Variants in NPNT observed in about 807,000 individuals in gnomAD.
NPNT encodes the protein nephronectin.
Under a neutral mutation model 68.6 loss-of-function variants are expected in NPNT, and 45 were observed. That is an observed-to-expected ratio of 0.66 (90% CI 0.52 to 0.84). The LOEUF (loss-of-function observed/expected upper bound fraction) is 0.84, where lower values mean the gene tolerates loss of function less well. NPNT is among the 40% of genes least tolerant of loss of function. NPNT has a pLI of 0.00. For synonymous variants in NPNT, 233 were observed against 253.3 expected (o/e 0.92, Z 0.76); for missense variants, 672 against 714.8 (o/e 0.94, Z 0.68).
In NPNT at chr4:105,937,153, T is replaced by C. The variant is rs762659616; in HGVS notation, c.385+25T>C. 6 of 1,611,248 alleles carry C rather than the reference T, an allele frequency of 3.7e-6. No individual in the cohort carries two copies. In the East Asian group the frequency reaches 1.1e-4, roughly 30 times the overall value. On this transcript the variant is annotated intron_variant, in intron 4 of 11. Transcript: ENST00000379987. ...AGTATGTCAAGAATCTTAACTGTTT[T>C]ATAAGTGCTTTGGGCTTGTTTCTGT...
At chr4:105,898,375 T>G (rs1726119717) in intron 2 of NPNT, among the ~76,000 whole-genome samples, 2 of 125,148 alleles carry the variant, frequency 1.6e-5, no homozygotes, top group Non-Finnish European at 3.3e-5. Context: ...TCTCTCTCTC[T>G]CTCTCGCTGA....
At chr4:105,903,020 C>G (rs1221946579) in intron 2 of NPNT, among the ~76,000 whole-genome samples, 1 of 152,126 alleles carries the variant, frequency 6.6e-6, no homozygotes, top group Admixed American at 6.6e-5. Flanking sequence ...GGGAAGCACT[C>G]TCCTCTCTGC....
At chr4:105,944,818 T>C (rs949876849) in intron 8 of NPNT, among the ~76,000 whole-genome samples, 7 of 152,266 alleles carry the variant, frequency 4.6e-5, no homozygotes, top group African/African-American at 1.4e-4. Context: ...TAGATGCTTT[T>C]TGACTTGCTG....
At chr4:105,917,689 G>C (rs1055138432) in intron 2 of NPNT, among the ~76,000 whole-genome samples, 1 of 152,158 alleles carries the variant, frequency 6.6e-6, no homozygotes, top group African/African-American at 2.4e-5. Flanking sequence ...GTGATATAAT[G>C]GTCAAACTGA....
At chr4:105,957,763 AG>A (rs1326525109) in intron 8 of NPNT, among the ~76,000 whole-genome samples, 1 of 152,228 alleles carries the variant, frequency 6.6e-6, no homozygotes, top group Non-Finnish European at 1.5e-5. Context: ...ATCACTCCAC[AG>A]AGGCCGTGAT....
At chr4:105,904,796 C>T (rs1424826369) in intron 2 of NPNT, among the ~76,000 whole-genome samples, 1 of 152,072 alleles carries the variant, frequency 6.6e-6, no homozygotes, top group South Asian at 2.1e-4. Flanking sequence ...AATTCTGCCT[C>T]ACTCTCTCTC....
At chr4:105,940,714 A>G (rs979602797) in intron 7 of NPNT, 78 bp downstream of exon 7, 2 of 1,237,992 alleles carry the variant, frequency 1.6e-6, no homozygotes, top group African/African-American at 3.0e-5. Flanking sequence ...TAGGGAAAAT[A>G]AGGAATAAGA....
chr4:105,903,336 A>G (rs140598078), intron 2 of NPNT, among the ~76,000 whole-genome samples: 17 of 152,340 alleles, frequency 1.1e-4, no homozygotes, highest in African/African-American at 3.8e-4. Context: ...CAATGATTCT[A>G]TGCAGTGTCT....
chr4:105,905,762 T>C (rs1009820124), intron 2 of NPNT, among the ~76,000 whole-genome samples: 7 of 152,202 alleles, frequency 4.6e-5, no homozygotes, highest in African/African-American at 1.7e-4. Context: ...CCTTTAGATA[T>C]GGAGGACATA....
intron 2 of NPNT, among the ~76,000 whole-genome samples, chr4:105,915,585 G>A (rs1328375582): frequency 6.6e-6 from 1 of 152,160 alleles, no homozygotes; most frequent in East Asian, 1.9e-4. Flanking sequence ...TCAGTAACAT[G>A]GTGGCTGCAG....
chr4:105,963,864 A>G (rs1731920984), intron 10 of NPNT, among the ~76,000 whole-genome samples: 1 of 151,950 alleles, frequency 6.6e-6, no homozygotes, highest in African/African-American at 2.4e-5. Context: ...AAAGCTTTCT[A>G]CCATCCCTGA....
At chr4:105,962,034 GGGAAGA>G (rs1731759428) in intron 10 of NPNT, among the ~76,000 whole-genome samples, 1 of 152,060 alleles carries the variant, frequency 6.6e-6, no homozygotes, top group Non-Finnish European at 1.5e-5. Flanking sequence ...CTGAGTGAGG[GGGAAGA>G]CCTGACATAT....
chr4:105,900,349 G>A (rs1188545922), intron 2 of NPNT, among the ~76,000 whole-genome samples: 1 of 152,132 alleles, frequency 6.6e-6, no homozygotes, highest in Admixed American at 6.5e-5. Context: ...AGGGAAAGGT[G>A]GTGGTACCCT....
chr4:105,959,149 TTTCTGGTACACATTTC>T (rs780401297), intron 10 of NPNT, 23 bp downstream of exon 10: 3 of 1,456,378 alleles, frequency 2.1e-6, no homozygotes, highest in Non-Finnish European at 2.9e-6. Flanking sequence ...CATTTAACTT[TTTCTGGTACACATTTC>T]AATGTGATAC....
chr4:105,923,586 T>C (rs1728428868), intron 2 of NPNT, among the ~76,000 whole-genome samples: 1 of 152,166 alleles, frequency 6.6e-6, no homozygotes, highest in African/African-American at 2.4e-5. Context: ...GTTAATATTA[T>C]GACTTCTTGC....
At chr4:105,900,034 A>G (rs966181486) in intron 2 of NPNT, among the ~76,000 whole-genome samples, 2 of 152,270 alleles carry the variant, frequency 1.3e-5, no homozygotes, top group African/African-American at 4.8e-5. Context: ...CGTTTGTTCA[A>G]GAAAATGCCT....
At chr4:105,964,978 G>C (rs1732004970) in intron 10 of NPNT, among the ~76,000 whole-genome samples, 1 of 152,130 alleles carries the variant, frequency 6.6e-6, no homozygotes, top group Non-Finnish European at 1.5e-5. Context: ...TCATATTCAT[G>C]TGCATTTATG....
intron 3 of NPNT, among the ~76,000 whole-genome samples, chr4:105,935,975 C>T (rs148328248): frequency 2.0e-3 from 311 of 152,246 alleles, no homozygotes; most frequent in Non-Finnish European, 3.4e-3. Context: ...TTAAATTATG[C>T]TAAATGGGTA....
At chr4:105,945,531 A>C (rs1730316280) in intron 8 of NPNT, among the ~76,000 whole-genome samples, 1 of 152,202 alleles carries the variant, frequency 6.6e-6, no homozygotes, top group South Asian at 2.1e-4. Flanking sequence ...AGGTCTAATA[A>C]TGTGGATTCA....
Sources: allele counts gnomAD v4.1 joint callset (sites outside exome capture counted in the v4.1 genomes callset), GRCh38; gene constraint gnomAD v4.1.1; transcripts MANE v1.5; gene names NCBI Gene and HGNC (gene_info 2026-07-23, HGNC 2026-07-21).